The following SRRM4 variants were observed in gnomAD, a reference collection of about 807,000 sequenced individuals.
SRRM4 encodes serine/arginine repetitive matrix protein 4.
In SRRM4, 33 loss-of-function variants were observed where a neutral mutation model predicts 68.9. The observed-to-expected ratio is 0.48, with a 90% CI of 0.36 to 0.64. The LOEUF is 0.64. Ranked by LOEUF, SRRM4 falls within the 30% of genes least tolerant of loss-of-function variation. The pLI, the probability that SRRM4 is intolerant of heterozygous loss-of-function variation, is 0.00. For synonymous variants in SRRM4, 318 were observed against 318.8 expected, an observed-to-expected ratio of 1.00 and a Z score of 0.03; for missense variants, 817 against 827.1, an observed-to-expected ratio of 0.99 and a Z score of 0.15.
rs757402326 is a variant in SRRM4 at position 119,156,718 on chromosome 12, AGGAGCCGGAGCC to A, written c.1768_1779del (p.Arg592_Ser595del). 7.1e-6 allele frequency: 11 copies of A among 1,545,044 alleles called. No homozygotes were observed. The highest frequency in any genetic ancestry group is 4.9e-5 in the East Asian group (2 of 40,912). On this transcript the variant is annotated inframe_deletion, in exon 13 of 13. Transcript: ENST00000267260. Reference sequence around the variant, plus strand: ...GGGCTCCCGCAGCCGGAGCCGGAGCAGGAGCCGGAGCCGGAGCCGGAGCAGGAGCCAGAGCCG... The same window carrying A: ...GGGCTCCCGCAGCCGGAGCCGGAGCAGGAGCCGGAGCAGGAGCCAGAGCCG...
chr12:119,007,638 G>C (rs145587905), intron 1 of SRRM4, among the ~76,000 whole-genome samples: 52 of 152,090 alleles, frequency 3.4e-4, no homozygotes, highest in African/African-American at 9.4e-4. Flanking sequence ...TAGAGAATGA[G>C]GAAACAAACT....
chr12:118,984,109 G>A (rs78181459), intron 1 of SRRM4, among the ~76,000 whole-genome samples: 1,570 of 152,280 alleles, frequency 0.01, 21 homozygotes, highest in East Asian at 0.077. Context: ...CTGGTTTGGG[G>A]TAGAGAGTGA....
At chr12:119,040,655 C>T (rs140366461) in intron 1 of SRRM4, among the ~76,000 whole-genome samples, 5 of 152,096 alleles carry the variant, frequency 3.3e-5, no homozygotes, top group Admixed American at 6.5e-5. Flanking sequence ...TATAAACATG[C>T]GTGTGCAAGT....
chr12:119,117,216 T>C (rs1288865718), intron 4 of SRRM4, among the ~76,000 whole-genome samples: 4 of 152,102 alleles, frequency 2.6e-5, no homozygotes, highest in Admixed American at 6.5e-5. Flanking sequence ...AGAGGAGGAC[T>C]TGATTATAAA....
chr12:119,086,642 T>C (rs1176293896), intron 1 of SRRM4, among the ~76,000 whole-genome samples: 1 of 152,196 alleles, frequency 6.6e-6, no homozygotes, highest in South Asian at 2.1e-4. Flanking sequence ...GCAGGGCCCC[T>C]TCATGGGGAA....
chr12:119,113,170 A>G (rs1954155416), intron 2 of SRRM4, among the ~76,000 whole-genome samples: 2 of 152,214 alleles, frequency 1.3e-5, no homozygotes, highest in South Asian at 4.1e-4. Context: ...ACCCTGGCAT[A>G]TATTCTAACC....
intron 1 of SRRM4, among the ~76,000 whole-genome samples, chr12:119,077,427 A>T (rs1953923156): frequency 7.3e-6 from 1 of 137,120 alleles, no homozygotes; most frequent in Non-Finnish European, 1.6e-5. Context: ...GACCTTGGGC[A>T]AGTTATTTTA....
At chr12:119,006,019 T>C (rs1231962635) in intron 1 of SRRM4, among the ~76,000 whole-genome samples, 1 of 152,226 alleles carries the variant, frequency 6.6e-6, no homozygotes, top group African/African-American at 2.4e-5. Context: ...GAGATTCCAA[T>C]AAGATAATGG....
chr12:119,018,252 G>A lies in SRRM4; in HGVS notation c.131+36239G>A, dbSNP rs780468785. The stretch of plus-strand genomic sequence containing the variant: ...AGTCTATGAGGATAGATTCTGAAAC[G>A]AGTAGGTGATTGGTGGAAGAAAAGG... On this transcript the variant is annotated intron_variant, in intron 1 of 12. Coordinates refer to ENST00000267260, the MANE Select transcript of SRRM4 (RefSeq NM_194286.4). 7.0e-4 allele frequency among the ~76,000 whole-genome samples: 107 copies of A among 152,186 alleles called. 1 individual carries two copies. The highest frequency in any genetic ancestry group is 3.5e-3 in the Admixed American group (53 of 15,276).
intron 1 of SRRM4, among the ~76,000 whole-genome samples, chr12:119,097,750 C>A (rs1482814553): frequency 2.6e-5 from 4 of 152,190 alleles, no homozygotes; most frequent in Non-Finnish European, 5.9e-5. Flanking sequence ...GAGGCACTGT[C>A]CTCAACCTAA....
intron 2 of SRRM4, among the ~76,000 whole-genome samples, chr12:119,103,230 T>C (rs1446561201): frequency 6.6e-6 from 1 of 152,214 alleles, no homozygotes; most frequent in Non-Finnish European, 1.5e-5. Context: ...AGTCATTTTT[T>C]TTCTTTTTAA....
At chr12:119,023,259 A>G (rs1953527296) in intron 1 of SRRM4, among the ~76,000 whole-genome samples, 2 of 152,226 alleles carry the variant, frequency 1.3e-5, no homozygotes, top group Non-Finnish European at 1.5e-5. Flanking sequence ...GTGACAAATT[A>G]GAAACCATGA....
At chr12:119,056,252 C>A (rs1326750148) in intron 1 of SRRM4, among the ~76,000 whole-genome samples, 1 of 152,224 alleles carries the variant, frequency 6.6e-6, no homozygotes, top group Non-Finnish European at 1.5e-5. Context: ...CCTCGTGCAG[C>A]CACAATGAGG....
At chr12:119,092,619 A>G (rs7302554) in intron 1 of SRRM4, among the ~76,000 whole-genome samples, 105,645 of 151,736 alleles carry the variant, frequency 0.7, 37,209 homozygotes, top group African/African-American at 0.78. Context: ...TAATCTGGCC[A>G]CCTCTCATCA....
At chr12:119,015,659 G>A (rs1280831825) in intron 1 of SRRM4, among the ~76,000 whole-genome samples, 2 of 151,942 alleles carry the variant, frequency 1.3e-5, no homozygotes, top group Non-Finnish European at 2.9e-5. Context: ...TTGTATAGAT[G>A]CATCATTTAT....
chr12:119,079,603 G>T (rs372465955), intron 1 of SRRM4, among the ~76,000 whole-genome samples: 1 of 152,132 alleles, frequency 6.6e-6, no homozygotes, highest in Non-Finnish European at 1.5e-5. Flanking sequence ...TTCACCTGCC[G>T]CATTGCACAC....
At chr12:119,128,268 T>C (rs1198296016) in intron 7 of SRRM4, among the ~76,000 whole-genome samples, 1 of 152,100 alleles carries the variant, frequency 6.6e-6, no homozygotes, top group Non-Finnish European at 1.5e-5. Flanking sequence ...ACCAAGCATC[T>C]CTCTACCCTG....
chr12:119,153,737 G>C, intron 11 of SRRM4, 88 bp downstream of exon 11: 1 of 976,252 alleles, frequency 1.0e-6, no homozygotes, highest in Non-Finnish European at 1.6e-6. Context: ...CCCCGTTCTC[G>C]GGCCTTCTTC....
At chr12:119,024,421 ATGGCAGAGGGAATGTGGGC>A (rs1284186741) in intron 1 of SRRM4, among the ~76,000 whole-genome samples, 1 of 152,196 alleles carries the variant, frequency 6.6e-6, no homozygotes, top group Non-Finnish European at 1.5e-5. Flanking sequence ...TGCACGCAGG[ATGGCAGAGGGAATGTGGGC>A]TGGGTTTCAG....
Sources: gnomAD v4.1 joint callset for allele counts (sites outside exome capture counted in the v4.1 genomes callset) on GRCh38, gnomAD v4.1.1 for gene constraint, MANE v1.5 for transcripts, NCBI Gene and HGNC (gene_info 2026-07-23, HGNC 2026-07-21) for gene names.